CDH16: variants seen among roughly 807,000 people sequenced by gnomAD.
CDH16 encodes cadherin-16.
CDH16 carries 79 observed loss-of-function variants against 87.6 expected under a neutral mutation model. That is an observed-to-expected ratio of 0.90 (90% confidence interval 0.75 to 1.09). CDH16 has a LOEUF of 1.09. Among genes scored for constraint, CDH16 ranks in the 50% least tolerant of loss-of-function variants. The pLI is 0.00. For missense variants in CDH16, 1,124 were observed against 1,071.7 expected, an observed-to-expected ratio of 1.05 and a Z score of -0.68; for synonymous variants, 457 against 439.5, an observed-to-expected ratio of 1.04 and a Z score of -0.50.
intron 5 of CDH16, 114 bp downstream of exon 5, chr16:66,915,951 G>A (rs1962660051): frequency 8.8e-7 from 1 of 1,140,716 alleles, no homozygotes; most frequent in African/African-American, 1.6e-5. Context: ...AAAAAGAAAT[G>A]GGACAGAAAT....
At chr16:66,917,516 G>C in intron 3 of CDH16, 126 bp downstream of exon 3, 2 of 735,748 alleles carry the variant, frequency 2.7e-6, no homozygotes, top group South Asian at 3.0e-5. Context: ...CCTGTGTAAC[G>C]TGTACATACT....
rs1962348063 is a variant in CDH16, at chr16:66,910,250, C to A, written c.2167+10G>T. 1 of 1,581,072 alleles carries A rather than the reference C, an allele frequency of 6.3e-7. No individual in the cohort carries two copies. The highest frequency in any genetic ancestry group is 1.8e-5 in the Admixed American group (1 of 56,740). ...TGGCCACAGCCTCCCTCCCTTTCCCCACCACACACCATTGAGAGTCTGGAG... is the reference window on the plus strand; with the variant it reads ...TGGCCACAGCCTCCCTCCCTTTCCCAACCACACACCATTGAGAGTCTGGAG... On this transcript the variant is annotated intron_variant, in intron 15 of 17. Coordinates refer to ENST00000299752, the MANE Select transcript of CDH16 (RefSeq NM_004062.4).
rs1413590432 is a variant in CDH16 at position 66,916,308 on chromosome 16, A to G, written c.251T>C (p.Leu84Pro). 1 of 1,614,090 alleles carries G rather than the reference A, an allele frequency of 6.2e-7. No homozygotes were observed. Among genetic ancestry groups the G allele is most frequent in the Admixed American group, 1.7e-5 (1 of 60,032 alleles). ...GTACTCTGCCTGCTCCTCTCGGTCC[A>G]GGGCCCTGGTCACCAGCAGGAAGCC... ...DSGFLLVTRA[L>P]DREEQAEYQL... Residue 84 changes from leucine to proline, a missense_variant, in exon 4 of 18, where the codon CTG becomes CCG. Physicochemically the swap from Leu to Pro is moderately conservative, Grantham distance 98. Coordinates refer to ENST00000299752, the MANE Select transcript of CDH16 (RefSeq NM_004062.4). This position sits in a 1 kb window ranked among gnomAD's most constrained non-coding sequence, Gnocchi z 4.1.
At chr16:66,911,878 G>A (rs1430504508) in intron 13 of CDH16, 21 bp downstream of exon 13, 4 of 1,569,444 alleles carry the variant, frequency 2.5e-6, no homozygotes, top group Non-Finnish European at 3.5e-6. Context: ...GTCCAGGTAA[G>A]GGGCTGGGAT....
Position 66,912,129 on chromosome 16 carries a change from A to G in CDH16, c.1560T>C (p.Tyr520=), listed in dbSNP as rs748609365. The G allele has an allele frequency of 1.9e-6, 3 of 1,612,224 alleles. No homozygotes were observed. The highest frequency in any genetic ancestry group is 2.5e-6 in the Non-Finnish European group (3 of 1,178,588). Residue 520 remains tyrosine, a synonymous_variant, in exon 13 of 18, where the codon TAT becomes TAC. Transcript: ENST00000299752. ...CCACCTCATGACTTGGAGCTGCCTC[A>G]TAACTGAGGTTCTGGAACCAGGAGG... ...VRLRLCKNLS[Y]EAAPSHEVVV...
At position 66,918,823 on chromosome 16, in the gene CDH16, G is replaced by A; in HGVS notation, c.-33C>T. ...CCTCACCCTCCAGCGCCCAAGACTG[G>A]CTCCCTTGGTCCAGCTGCCAAGCAA... On this transcript the variant is annotated 5_prime_UTR_variant, in exon 1 of 18. Coordinates refer to ENST00000299752, the MANE Select transcript of CDH16 (RefSeq NM_004062.4). 6.6e-6 allele frequency: 1 copy of A among 152,640 alleles called. No homozygotes were observed. The highest frequency in any genetic ancestry group is 1.5e-5 in the Non-Finnish European group (1 of 68,248). 9.5% of individuals were successfully genotyped at this position (152,640 alleles called of 1,614,324 possible).
rs368749991 is a variant in CDH16, at chr16:66,911,320, C to T, written c.1791-5G>A. On this transcript the variant is annotated splice_region_variant and splice_polypyrimidine_tract_variant and intron_variant, in intron 13 of 17. Transcript: ENST00000299752. ...GAGTCATTGACTAGGGAGAACCTGC[C>T]GCCCAAAGAAGGAGGTGAGGAGGTA... is the stretch of plus-strand genomic sequence containing the variant. 118 of 1,612,784 alleles carry T rather than the reference C, an allele frequency of 7.3e-5. 1 individual carries two copies. The South Asian group carries it at 9.1e-4, about 12-fold the overall frequency.
At chr16:66,910,594 C>T (rs1376914439) in intron 14 of CDH16, 92 bp from the exon 15 acceptor site, 10 of 1,326,380 alleles carry the variant, frequency 7.5e-6, no homozygotes, top group Non-Finnish European at 6.9e-6. Flanking sequence ...CCATGAGCCT[C>T]GCCTTATAGA....
At chr16:66,917,758 C>G (rs988103071) in intron 2 of CDH16, 33 bp from the exon 3 acceptor site, 1 of 1,564,612 alleles carries the variant, frequency 6.4e-7, no homozygotes, top group Non-Finnish European at 8.7e-7. Flanking sequence ...TCACCAGGCT[C>G]TATCTTCCTG....
intron 14 of CDH16, 151 bp from the exon 15 acceptor site, chr16:66,910,653 C>T (rs1222519547): frequency 9.6e-6 from 8 of 837,300 alleles, no homozygotes; most frequent in Non-Finnish European, 1.3e-5. Flanking sequence ...TCATCATCCC[C>T]ATGCCACTGT....
intron 7 of CDH16, 70 bp from the exon 8 acceptor site, chr16:66,913,683 C>G: frequency 1.3e-6 from 2 of 1,575,362 alleles, no homozygotes; most frequent in Non-Finnish European, 8.6e-7. Flanking sequence ...TCTGATTTCT[C>G]GTTGAGGAGC....
At position 66,916,234 on chromosome 16, in the gene CDH16, C is replaced by CTGACT; in HGVS notation, c.286-32_286-31insAGTCA. 1 of 1,614,210 alleles carries CTGACT rather than the reference C, an allele frequency of 6.2e-7. No homozygotes were observed. The highest frequency in any genetic ancestry group is 8.5e-7 in the Non-Finnish European group (1 of 1,180,002). On this transcript the variant is annotated intron_variant, in intron 4 of 17. Coordinates refer to ENST00000299752, the MANE Select transcript of CDH16 (RefSeq NM_004062.4). This position sits in a 1 kb window ranked among gnomAD's most constrained non-coding sequence, Gnocchi z 4.1. Reference sequence around the variant, plus strand: ...AGGGAAGGGGAGTCAGCGTCTGGCTCTGCCTTGCCTGCTCTCCCCTACACC... The same window carrying CTGACT: ...AGGGAAGGGGAGTCAGCGTCTGGCTCTGACTTGCCTTGCCTGCTCTCCCCTACACC...
chr16:66,916,580 C>G lies in CDH16; in HGVS notation c.130-151G>C. ...GTCACACAGCCAGTAAGCATCAGGA[C>G]TGAGACTCAGAGCCAGAACTCTTTT... On this transcript the variant is annotated intron_variant, in intron 3 of 17. Coordinates refer to ENST00000299752, the MANE Select transcript of CDH16 (RefSeq NM_004062.4). The surrounding 1 kb of genome is among the most constrained non-coding windows in gnomAD (Gnocchi z 4.1). The G allele has an allele frequency of 2.3e-6, 2 of 865,610 alleles. No individual in the cohort carries two copies. Among genetic ancestry groups the G allele is most frequent in the Non-Finnish European group, 1.7e-6 (1 of 585,506 alleles). 53.6% of individuals were successfully genotyped at this position (865,610 alleles called of 1,614,324 possible). A position where few individuals can be genotyped will look rare whatever the true frequency, so the allele number is the denominator to read the frequency against.
Position 66,915,300 on chromosome 16 carries a change from A to C in CDH16, c.503T>G (p.Leu168Arg), listed in dbSNP as rs1567535740. The C allele has an allele frequency of 6.2e-7, 1 of 1,614,018 alleles. No individual in the cohort carries two copies. The highest frequency in any genetic ancestry group is 8.5e-7 in the Non-Finnish European group (1 of 1,180,008). The change falls in exon 6 of 18, where the codon CTG becomes CGG. Residue 168 changes from leucine to arginine, a missense_variant. Transcript: ENST00000299752. ...TANSDLRFHI[L>R]SQAPAQPSPD... is the part of the protein sequence containing the mutation. The stretch of plus-strand genomic sequence containing the variant: ...GGAAGGCTGGGCTGGAGCCTGGCTC[A>C]GGATGTGGAATCGAAGATCCGAGTT...
chr16:66,911,098 C>A, intron 14 of CDH16, 84 bp downstream of exon 14: 3 of 1,428,820 alleles, frequency 2.1e-6, no homozygotes, highest in Admixed American at 2.2e-5. Context: ...CAGTGAGGGC[C>A]TCTGGGAGGA....
chr16:66,913,503 T>C lies in CDH16; in HGVS notation c.891A>G (p.Glu297=). The part of the protein sequence containing the change: ...NLYVTRELDR[E]AQAEYLLQVR... ...CCCTTCATATCACCTCAGCCTGGGC[T>C]TCTCTGTCCAGCTCTCTGGTCACGT... is the stretch of plus-strand genomic sequence containing the variant. The change falls in exon 8 of 18, where the codon GAA becomes GAG. Residue 297 remains glutamate (E), a synonymous_variant. Transcript: ENST00000299752. The C allele has an allele frequency of 6.2e-7, 1 of 1,614,076 alleles. No homozygotes were observed. The highest frequency in any genetic ancestry group is 1.3e-5 in the African/African-American group (1 of 75,030).
In CDH16 at chr16:66,912,759, G is replaced by A; in HGVS notation, c.1187C>T (p.Thr396Ile). 1 of 1,613,762 alleles carries A rather than the reference G, an allele frequency of 6.2e-7. No homozygotes were observed. Among genetic ancestry groups the A allele is most frequent in the South Asian group, 1.1e-5 (1 of 91,078 alleles). ...VEGRAFQVDP[T>I]SGSVTLGVLP... ...CACCCCCAGCGTCACACTGCCTGAA[G>A]TGGGGTCCACCTGGAAGGCTCTCCC... is the stretch of plus-strand genomic sequence containing the variant. The change falls in exon 10 of 18, where the codon ACT becomes ATT. Residue 396 changes from threonine to isoleucine, a missense_variant. By Grantham distance (89) the Thr-to-Ile change is moderately conservative (BLOSUM62 -1). Coordinates refer to ENST00000299752, the MANE Select transcript of CDH16 (RefSeq NM_004062.4).
chr16:66,913,179 A>T lies in CDH16; in HGVS notation c.1006T>A (p.Cys336Ser). The T allele has an allele frequency of 6.2e-7, 1 of 1,608,648 alleles. No individual in the cohort carries two copies. The highest frequency in any genetic ancestry group is 1.1e-5 in the South Asian group (1 of 90,212). The part of the protein sequence containing the change: ...VMDENDNVPI[C>S]PPRDPTVSIP... The stretch of plus-strand genomic sequence containing the variant: ...CTGACTGTGGGGTCACGGGGAGGGC[A>T]GATAGGCACGTTGTCATTCTCATCC... Residue 336 changes from cysteine to serine, a missense_variant, in exon 9 of 18, where the codon TGC becomes AGC. Transcript: ENST00000299752.
At chr16:66,912,969 C>A in intron 9 of CDH16, 78 bp from the exon 10 acceptor site, 1 of 1,456,188 alleles carries the variant, frequency 6.9e-7, no homozygotes, top group Non-Finnish European at 9.4e-7. Flanking sequence ...TATTTTGTGC[C>A]AAACTAAACT....
Sources: allele counts gnomAD v4.1 joint callset, GRCh38; gene constraint gnomAD v4.1.1; non-coding constraint Gnocchi (gnomAD v3.1); transcripts MANE v1.5; gene names NCBI Gene and HGNC (gene_info 2026-07-23, HGNC 2026-07-21).